Variants in EXOC6 observed in about 807,000 individuals in gnomAD.
EXOC6 encodes SEC15-like 1.
Under a neutral mutation model 112.5 loss-of-function variants are expected in EXOC6, and 60 were observed. The ratio of observed to expected loss-of-function variants is 0.53; its 90% CI spans 0.43 to 0.66. The LOEUF (loss-of-function observed/expected upper bound fraction) is 0.66. Among genes scored for constraint, EXOC6 ranks in the 30% least tolerant of loss-of-function variants. The pLI, the probability that EXOC6 is intolerant of heterozygous loss-of-function variation, is 0.00. For missense variants in EXOC6, 855 were observed against 957.1 expected (o/e 0.89, Z 1.41); for synonymous variants, 295 against 308.0 (o/e 0.96, Z 0.44).
upstream of EXOC6, chr10:92,848,441 C>CCCCCCCCCCCCCCAA: frequency 1.2e-6 from 1 of 847,564 alleles, no homozygotes; most frequent in Non-Finnish European, 1.5e-6. Context: ...GCGCCCCGCC[C>CCCCCCCCCCCCCCAA]CCGCCCCGCC....
At chr10:92,930,941 G>A (rs1229855729) in intron 9 of EXOC6, among the ~76,000 whole-genome samples, 18 of 151,648 alleles carry the variant, frequency 1.2e-4, no homozygotes, top group Admixed American at 7.2e-4. Flanking sequence ...GTGAAACCCC[G>A]TCTCTACTAA....
At chr10:92,853,249 C>T (rs1847438018) in intron 1 of EXOC6, among the ~76,000 whole-genome samples, 2 of 152,146 alleles carry the variant, frequency 1.3e-5, no homozygotes, top group African/African-American at 2.4e-5. Flanking sequence ...ATTGCTGATA[C>T]TAAACTAAGT....
intron 20 of EXOC6, among the ~76,000 whole-genome samples, chr10:93,029,895 A>T (rs1845194824): frequency 6.6e-6 from 1 of 151,092 alleles, no homozygotes; most frequent in South Asian, 2.1e-4. Context: ...TGGATCTCAT[A>T]GTGTTTTTCT....
chr10:92,997,734 T>G, intron 19 of EXOC6, 119 bp downstream of exon 19: 2 of 806,532 alleles, frequency 2.5e-6, no homozygotes, highest in Non-Finnish European at 3.5e-6. Flanking sequence ...TCAGCTAAAC[T>G]TTTAGCAGCC....
chr10:92,922,371 G>T (rs545218539), intron 8 of EXOC6, among the ~76,000 whole-genome samples: 1 of 152,106 alleles, frequency 6.6e-6, no homozygotes, highest in South Asian at 2.1e-4. Flanking sequence ...GCAAAATATG[G>T]TTAACAATTT....
rs371363561 is a variant in EXOC6 at position 92,893,346 on chromosome 10, C to A, written c.102-3C>A. On this transcript the variant is annotated splice_region_variant and splice_polypyrimidine_tract_variant and intron_variant, in intron 1 of 21. Coordinates refer to ENST00000260762, the MANE Select transcript of EXOC6 (RefSeq NM_019053.6). ...TAATTTTAGCTTTCTTATATACATT[C>A]AGGTCTGTGTATGATGACCAACCAA... 3 of 1,596,482 alleles carry A rather than the reference C, an allele frequency of 1.9e-6. No homozygotes were observed. Among genetic ancestry groups the A allele is most frequent in the African/African-American group, 1.3e-5 (1 of 74,254 alleles).
intron 1 of EXOC6, among the ~76,000 whole-genome samples, chr10:92,867,845 AT>A (rs1047530567): frequency 6.6e-6 from 1 of 152,094 alleles, no homozygotes; most frequent in Non-Finnish European, 1.5e-5. Context: ...ATATATCTGC[AT>A]TTTTTTGGAC....
chr10:93,053,651 T>G (rs1358143548), intron 20 of EXOC6, among the ~76,000 whole-genome samples: 1 of 152,228 alleles, frequency 6.6e-6, no homozygotes, highest in Non-Finnish European at 1.5e-5. Flanking sequence ...CAGCATAAGC[T>G]AAAGTAGCCT....
chr10:93,014,106 T>G (rs928906006), intron 19 of EXOC6, 88 bp from the exon 20 acceptor site: 22 of 966,126 alleles, frequency 2.3e-5, no homozygotes, highest in Middle Eastern at 2.1e-4. Flanking sequence ...TATAATGCAT[T>G]TATAATGAGT....
At chr10:93,003,993 A>G (rs1394449275) in intron 19 of EXOC6, among the ~76,000 whole-genome samples, 1 of 152,226 alleles carries the variant, frequency 6.6e-6, no homozygotes, top group African/African-American at 2.4e-5. Flanking sequence ...CCATGACATG[A>G]TTAAATCTGT....
intron 1 of EXOC6, among the ~76,000 whole-genome samples, chr10:92,871,144 T>C (rs4600123): frequency 0.022 from 3,351 of 152,318 alleles, 57 homozygotes; most frequent in African/African-American, 0.041. Flanking sequence ...CTTTCTCTCT[T>C]GAGGGTCAAT....
At chr10:92,966,284 T>TA (rs1564869597) in intron 17 of EXOC6, among the ~76,000 whole-genome samples, 1,669 of 142,614 alleles carry the variant, frequency 0.012, 19 homozygotes, top group Non-Finnish European at 0.017. Context: ...TAATTATAAT[T>TA]ATTATTATTA....
chr10:92,987,671 G>T (rs962249094), intron 18 of EXOC6: 1 of 964,196 alleles, frequency 1.0e-6, no homozygotes, highest in East Asian at 1.1e-4. Context: ...AAGCTAGCAT[G>T]TACATTAGAA....
upstream of EXOC6, among the ~76,000 whole-genome samples, chr10:92,830,121 C>A (rs1018864930): frequency 1.9e-4 from 29 of 152,136 alleles, no homozygotes; most frequent in African/African-American, 7.0e-4. Flanking sequence ...TTCTTTATTC[C>A]TTTATTTGCT....
At chr10:92,981,325 T>C (rs1842817310) in intron 18 of EXOC6, among the ~76,000 whole-genome samples, 1 of 152,232 alleles carries the variant, frequency 6.6e-6, no homozygotes, top group East Asian at 1.9e-4. Flanking sequence ...ACTTACTGCC[T>C]AACCACCCAG....
chr10:92,998,628 C>CCA (rs55823754), intron 19 of EXOC6, among the ~76,000 whole-genome samples: 61,811 of 141,144 alleles, frequency 0.44, 14,508 homozygotes, highest in Middle Eastern at 0.56. Context: ...CTGTTGCACA[C>CCA]CACACACACA....
chr10:92,838,241 G>C (rs1846725279), intron 1 of EXOC6, among the ~76,000 whole-genome samples: 2 of 152,194 alleles, frequency 1.3e-5, no homozygotes, highest in African/African-American at 4.8e-5. Context: ...TCATGAGTGG[G>C]TTGTGGCGAC....
chr10:92,969,298 C>T (rs981611878), intron 17 of EXOC6, among the ~76,000 whole-genome samples: 2 of 152,120 alleles, frequency 1.3e-5, no homozygotes, highest in African/African-American at 2.4e-5. Flanking sequence ...TACCCATCCC[C>T]GGTGCCAGAC....
intron 1 of EXOC6, among the ~76,000 whole-genome samples, chr10:92,839,355 A>G (rs934281926): frequency 5.3e-5 from 8 of 152,120 alleles, no homozygotes; most frequent in African/African-American, 1.9e-4. Flanking sequence ...GTCCGGGGCC[A>G]TGTTCGAGGA....
Sources: gnomAD v4.1 joint callset for allele counts (sites outside exome capture counted in the v4.1 genomes callset) on GRCh38, gnomAD v4.1.1 for gene constraint, MANE v1.5 for transcripts, NCBI Gene and HGNC (gene_info 2026-07-23, HGNC 2026-07-21) for gene names.